Variants in TGFBR3 observed in about 807,000 individuals in gnomAD.
The protein encoded by TGFBR3 is transforming growth factor beta receptor type 3.
TGFBR3 carries 46 observed loss-of-function variants against 87.9 expected under a neutral mutation model. The observed-to-expected ratio is 0.52, with a 90% confidence interval of 0.41 to 0.67. The LOEUF is 0.67. Among genes scored for constraint, TGFBR3 ranks in the 30% least tolerant of loss-of-function variants. The pLI is 0.00. For missense variants in TGFBR3, 866 were observed against 1,041.9 expected, an observed-to-expected ratio of 0.83 and a Z score of 2.32; for synonymous variants, 381 against 391.6, an observed-to-expected ratio of 0.97 and a Z score of 0.32.
chr1:91,756,708 C>T (rs1417528910), intron 4 of TGFBR3, among the ~76,000 whole-genome samples: 2 of 152,148 alleles, frequency 1.3e-5, no homozygotes, highest in East Asian at 3.8e-4. Flanking sequence ...GTAATGCCCA[C>T]CTTGTAAATG....
At chr1:91,747,529 C>T (rs971308285) in intron 4 of TGFBR3, among the ~76,000 whole-genome samples, 4 of 152,168 alleles carry the variant, frequency 2.6e-5, no homozygotes, top group Admixed American at 2.0e-4. Flanking sequence ...GTTAAAGCAA[C>T]GAAATAATTA....
chr1:91,804,609 G>C (rs1438817549), intron 2 of TGFBR3, among the ~76,000 whole-genome samples: 1 of 152,180 alleles, frequency 6.6e-6, no homozygotes, highest in African/African-American at 2.4e-5. Flanking sequence ...ACAAGTGCCT[G>C]AGTTAACACA....
chr1:91,786,555 A>G (rs1014840195), intron 3 of TGFBR3, among the ~76,000 whole-genome samples: 3 of 152,138 alleles, frequency 2.0e-5, no homozygotes, highest in Admixed American at 6.5e-5. Flanking sequence ...GTTCAAGACC[A>G]GCCTGGCCAA....
chr1:91,769,874 T>C lies in TGFBR3; in HGVS notation c.247-11124A>G, dbSNP rs527838075. 4.6e-5 allele frequency among the ~76,000 whole-genome samples: 7 copies of C among 152,280 alleles called. No individual in the cohort carries two copies. The East Asian group carries it at 5.8e-4, about 13-fold the overall frequency. Reference sequence around the variant, plus strand: ...AGCAACCAGACTACAAAAACAGTCGTGGGCTTCAGCACCGTAACTCTGGTA... The same window carrying C: ...AGCAACCAGACTACAAAAACAGTCGCGGGCTTCAGCACCGTAACTCTGGTA... On this transcript the variant is annotated intron_variant, in intron 3 of 16. Transcript: ENST00000212355.
intron 12 of TGFBR3, among the ~76,000 whole-genome samples, chr1:91,714,333 G>A (rs1672086281): frequency 6.6e-6 from 1 of 152,004 alleles, no homozygotes; most frequent in Admixed American, 6.6e-5. Context: ...AAAATTTTGG[G>A]TTATTAACAA....
chr1:91,819,265 G>A (rs1049853680), intron 2 of TGFBR3, among the ~76,000 whole-genome samples: 2 of 152,158 alleles, frequency 1.3e-5, no homozygotes, highest in African/African-American at 2.4e-5. Flanking sequence ...CTACCTAGGA[G>A]GCTGAGGCAG....
At chr1:91,740,699 G>T (rs1300576528) in intron 4 of TGFBR3, among the ~76,000 whole-genome samples, 2 of 152,106 alleles carry the variant, frequency 1.3e-5, no homozygotes, top group Non-Finnish European at 2.9e-5. Flanking sequence ...TTTGGGCAGG[G>T]ACATAGACCC....
At chr1:91,767,949 A>G (rs1466984201) in intron 3 of TGFBR3, among the ~76,000 whole-genome samples, 2 of 151,874 alleles carry the variant, frequency 1.3e-5, no homozygotes, top group Non-Finnish European at 2.9e-5. Context: ...GCAGTGACTC[A>G]TGCCTGTAAT....
At chr1:91,718,146 G>A (rs561792287) in intron 10 of TGFBR3, among the ~76,000 whole-genome samples, 15 of 152,270 alleles carry the variant, frequency 9.9e-5, no homozygotes, top group African/African-American at 3.1e-4. Context: ...TCAGGAAGTT[G>A]GATTCAGTCG....
chr1:91,798,444 AT>A lies in TGFBR3; in HGVS notation c.62-974del, dbSNP rs556031708. ...ATCCCTCCCCACTCCACGTCAACTT[AT>A]TTAAAGGTCTCCAGACACACCAGGA... On this transcript the variant is annotated intron_variant, in intron 2 of 16. Transcript: ENST00000212355. 7.2e-5 allele frequency among the ~76,000 whole-genome samples: 11 copies of A among 152,158 alleles called. No homozygotes were observed. The South Asian group carries it at 2.3e-3, about 32-fold the overall frequency.
intron 2 of TGFBR3, among the ~76,000 whole-genome samples, chr1:91,813,198 A>G (rs1304080465): frequency 2.0e-5 from 3 of 152,194 alleles, no homozygotes; most frequent in Non-Finnish European, 4.4e-5. Flanking sequence ...GTATCATAAT[A>G]TTAGTGACAA....
chr1:91,705,750 AC>A (rs1671780872), intron 14 of TGFBR3, among the ~76,000 whole-genome samples: 1 of 152,222 alleles, frequency 6.6e-6, no homozygotes, highest in Non-Finnish European at 1.5e-5. Flanking sequence ...CTACAGTTTA[AC>A]CGCCTCAATT....
intron 2 of TGFBR3, among the ~76,000 whole-genome samples, chr1:91,896,915 C>T (rs963783345): frequency 6.8e-5 from 2 of 29,492 alleles, no homozygotes; most frequent in African/African-American, 1.0e-4. Context: ...CTCACTTTTT[C>T]TTTTCTTTTT....
chr1:91,811,414 G>A (rs1242227932), intron 2 of TGFBR3, among the ~76,000 whole-genome samples: 1 of 152,174 alleles, frequency 6.6e-6, no homozygotes, highest in East Asian at 1.9e-4. Context: ...GCAAGAATCA[G>A]TGATTTTTAA....
At chr1:91,800,289 TATATAC>T (rs1273714606) in intron 2 of TGFBR3, among the ~76,000 whole-genome samples, 30 of 144,974 alleles carry the variant, frequency 2.1e-4, no homozygotes, top group Non-Finnish European at 3.8e-4. Context: ...CTCACGCATA[TATATAC>T]ATATATGCAT....
Position 91,682,607 on chromosome 1 carries a change from G to T in TGFBR3, c.*1132C>A. On this transcript the variant is annotated 3_prime_UTR_variant, in exon 17 of 17. Coordinates refer to ENST00000212355, the MANE Select transcript of TGFBR3 (RefSeq NM_003243.5). Reference sequence around the variant, plus strand: ...TCTCAGCACTGTCTTGGTGGAATTGGTGACACTATTCAGATAACCAACTGG... The same window carrying T: ...TCTCAGCACTGTCTTGGTGGAATTGTTGACACTATTCAGATAACCAACTGG... 1 of 453,784 alleles carries T rather than the reference G, an allele frequency of 2.2e-6. No homozygotes were observed. The highest frequency in any genetic ancestry group is 4.4e-6 in the Non-Finnish European group (1 of 226,746). 28.1% of individuals were successfully genotyped at this position (453,784 alleles called of 1,614,324 possible). A position where few individuals can be genotyped will look rare whatever the true frequency, so the allele number is the denominator to read the frequency against.
chr1:91,698,102 A>G lies in TGFBR3; in HGVS notation c.2316T>C (p.Asn772=). 6.2e-7 allele frequency: 1 copy of G among 1,614,020 alleles called. No homozygotes were observed. The highest frequency in any genetic ancestry group is 8.5e-7 in the Non-Finnish European group (1 of 1,179,912). ...ATAAAGACTTACGTGGAGAAATTGGATTTGGTTCCTTCATGCTTGGACCTT... is the reference window on the plus strand; with the variant it reads ...ATAAAGACTTACGTGGAGAAATTGGGTTTGGTTCCTTCATGCTTGGACCTT... ...KEKGPSMKEP[N]PISPPIFHGL... Residue 772 remains asparagine, a synonymous_variant, in exon 15 of 17, where the codon AAT becomes AAC. Transcript: ENST00000212355.
chr1:91,720,741 C>T (rs1024524448), intron 8 of TGFBR3, among the ~76,000 whole-genome samples: 1 of 152,170 alleles, frequency 6.6e-6, no homozygotes, highest in Non-Finnish European at 1.5e-5. Flanking sequence ...TTACATGATG[C>T]AATATTATTC....
chr1:91,727,154 A>G (rs937592972), intron 7 of TGFBR3, among the ~76,000 whole-genome samples: 3 of 152,234 alleles, frequency 2.0e-5, no homozygotes, highest in African/African-American at 7.2e-5. Context: ...AAGCAAGCAA[A>G]AAGACATGCC....
Sources: gnomAD v4.1 joint callset for allele counts (sites outside exome capture counted in the v4.1 genomes callset) on GRCh38, gnomAD v4.1.1 for gene constraint, MANE v1.5 for transcripts, NCBI Gene and HGNC (gene_info 2026-07-23, HGNC 2026-07-21) for gene names.